The following MYH3 variants were observed in gnomAD, a reference collection of about 807,000 sequenced individuals.
MYH3 encodes the protein myosin-3.
In MYH3, 130 loss-of-function variants were observed where a neutral mutation model predicts 238.0. The ratio of observed to expected loss-of-function variants is 0.55; its 90% CI spans 0.47 to 0.63. MYH3 has a LOEUF of 0.63. Ranked by LOEUF, MYH3 falls within the 30% of genes least tolerant of loss-of-function variation. MYH3 has a pLI of 0.00. For synonymous variants in MYH3, 880 were observed against 924.1 expected, an observed-to-expected ratio of 0.95 and a Z score of 0.86; for missense variants, 1,853 against 2,374.9, an observed-to-expected ratio of 0.78 and a Z score of 4.57.
chr17:10,663,828 C>T, the MYH3 span, among the ~76,000 whole-genome samples: 7 of 151,880 alleles, frequency 4.6e-5, no homozygotes, highest in Non-Finnish European at 7.4e-5. Context: ...TTTGGGAGGC[C>T]GAGACAGGTG....
At chr17:10,653,045 G>GT (rs2074394077) in intron 3 of MYH3, among the ~76,000 whole-genome samples, 1 of 152,190 alleles carries the variant, frequency 6.6e-6, no homozygotes, top group Admixed American at 6.5e-5. Flanking sequence ...GGGGCGGCTT[G>GT]TGGTGGTGCT....
chr17:10,642,350 T>C lies in MYH3; in HGVS notation c.1889-40A>G. On this transcript the variant is annotated intron_variant, in intron 16 of 40. Transcript: ENST00000583535. This position sits in a 1 kb window ranked among gnomAD's most constrained non-coding sequence, Gnocchi z 5.4. ...GGAGGGCACGTGCTGTAGGTGAATCTAAAAGGTTTTTTGTTACTGTGGAAC... is the reference window on the plus strand; with the variant it reads ...GGAGGGCACGTGCTGTAGGTGAATCCAAAAGGTTTTTTGTTACTGTGGAAC... The C allele has an allele frequency of 6.2e-7, 1 of 1,613,916 alleles. No homozygotes were observed. Among genetic ancestry groups the C allele is most frequent in the Non-Finnish European group, 8.5e-7 (1 of 1,179,802 alleles).
chr17:10,648,624 C>A lies in MYH3; in HGVS notation c.668G>T (p.Ser223Ile). 1 of 1,613,986 alleles carries A rather than the reference C, an allele frequency of 6.2e-7. No homozygotes were observed. The highest frequency in any genetic ancestry group is 8.5e-7 in the Non-Finnish European group (1 of 1,179,916). Residue 223 changes from serine (S) to isoleucine (I), a missense_variant, in exon 8 of 41, where the codon AGT becomes ATT. Coordinates refer to ENST00000583535, the MANE Select transcript of MYH3 (RefSeq NM_002470.4). Reference sequence around the variant, plus strand: ...AAAGGCCTCCAGCAGGGGATTGGCACTGATGATTTGATCTTCCAGAGTCCC... The same window carrying A: ...AAAGGCCTCCAGCAGGGGATTGGCAATGATGATTTGATCTTCCAGAGTCCC... ...MKGTLEDQII[S>I]ANPLLEAFGN...
chr17:10,659,883 G>GA (rs964151619), upstream of MYH3, among the ~76,000 whole-genome samples: 2 of 152,228 alleles, frequency 1.3e-5, no homozygotes, highest in Non-Finnish European at 2.9e-5. Flanking sequence ...GCAGTGGCTG[G>GA]AAGGGACAGC....
In MYH3 at chr17:10,640,648, T is replaced by C; in HGVS notation, c.2204A>G (p.Gln735Arg). Residue 735 changes from glutamine (Q) to arginine (R), a missense_variant, in exon 20 of 41, where the codon CAA becomes CGA. Transcript: ENST00000583535. ...ACAGGCTTTCTTGCTGTCAATGAAT[T>C]GTCCCTCAGGGATTGCACTGGCATT... ...VLNASAIPEG[Q>R]FIDSKKACEK... The C allele has an allele frequency of 6.2e-7, 1 of 1,614,204 alleles. No homozygotes were observed. The highest frequency in any genetic ancestry group is 8.5e-7 in the Non-Finnish European group (1 of 1,180,010).
chr17:10,628,753 G>A lies in MYH3; in HGVS notation c.5797-74C>T. The A allele has an allele frequency of 2.0e-6, 3 of 1,536,170 alleles. No homozygotes were observed. The African/African-American group carries it at 4.1e-5, about 21-fold the overall frequency. On this transcript the variant is annotated intron_variant, in intron 40 of 40. Transcript: ENST00000583535. ...TTCCCACCCACCACTTCTGCCGGCT[G>A]GCATCAGAGTTGCTTGCCTACTTCA...
chr17:10,675,878 G>C, the MYH3 span: 1 of 152,064 alleles, frequency 6.6e-6, no homozygotes, highest in South Asian at 2.1e-4. Flanking sequence ...TGTCTTCCTT[G>C]AACTGGGTGC....
Position 10,652,684 on chromosome 17 carries a change from C to T in MYH3, c.205-121G>A, listed in dbSNP as rs896452435. On this transcript the variant is annotated intron_variant, in intron 3 of 40. Transcript: ENST00000583535. ...TCGCCCAGGCTGGAGTGCAGTGATG[C>T]GATCTCGGCTCACTGCAAGCTCCAC... 9 of 1,089,444 alleles carry T rather than the reference C, an allele frequency of 8.3e-6. No homozygotes were observed. The African/African-American group carries it at 9.2e-5, about 11-fold the overall frequency. 67.5% of individuals were successfully genotyped at this position (1,089,444 alleles called of 1,614,324 possible). A position where few individuals can be genotyped will look rare whatever the true frequency, so the allele number is the denominator to read the frequency against.
the MYH3 span, among the ~76,000 whole-genome samples, chr17:10,666,025 G>C: frequency 6.6e-6 from 1 of 152,086 alleles, no homozygotes; most frequent in African/African-American, 2.4e-5. Flanking sequence ...TTAATAAGTG[G>C]TGATGAGACA....
rs778068837 is a variant in MYH3, at chr17:10,631,966, C to T, written c.5007G>A (p.Lys1669=). Residue 1669 remains lysine (K), a synonymous_variant, in exon 35 of 41, where the codon AAG becomes AAA. Transcript: ENST00000583535. Reference sequence around the variant, plus strand: ...TGCGCTCCACAATCGCCAGCTGCTCCTTCAGGTCCTCCTGGCCCCGGAGGG... The same window carrying T: ...TGCGCTCCACAATCGCCAGCTGCTCTTTCAGGTCCTCCTGGCCCCGGAGGG... The part of the protein sequence containing the change: ...DDALRGQEDL[K]EQLAIVERRA... 21 of 1,613,898 alleles carry T rather than the reference C, an allele frequency of 1.3e-5. No individual in the cohort carries two copies. In the Middle Eastern group the frequency reaches 6.8e-4, roughly 52 times the overall value.
chr17:10,634,842 T>C lies in MYH3; in HGVS notation c.4354A>G (p.Lys1452Glu), dbSNP rs1326655608. 4.3e-6 allele frequency: 7 copies of C among 1,613,970 alleles called. No homozygotes were observed. The highest frequency in any genetic ancestry group is 2.7e-5 in the African/African-American group (2 of 74,900). ...ALDKKQRNFD[K>E]VLAEWKTKCE... is the part of the protein sequence containing the mutation. ...CCAGCACACAGCGGACCCCACACCT[T>C]GTCAAAGTTCCTCTGCTTCTTGTCC... Residue 1452 changes from lysine (K) to glutamate (E), a missense_variant and splice_region_variant, in exon 31 of 41, where the codon AAG becomes GAG. Physicochemically the swap from Lys to Glu is moderately conservative, Grantham distance 56. Around this residue, in one of 3 missense-constraint regions of MYH3, gnomAD observed 1,044 missense variants for 1,192.6 expected, o/e 0.88. Coordinates refer to ENST00000583535, the MANE Select transcript of MYH3 (RefSeq NM_002470.4).
At chr17:10,650,455 G>C (rs954517927) in intron 5 of MYH3, 54 bp from the exon 6 acceptor site, 1 of 1,515,234 alleles carries the variant, frequency 6.6e-7, no homozygotes, top group Non-Finnish European at 9.2e-7. Flanking sequence ...AGAGCTTCCC[G>C]ATTCTACCCA....
At chr17:10,664,062 T>TAAAA in the MYH3 span, among the ~76,000 whole-genome samples, 1 of 63,348 alleles carries the variant, frequency 1.6e-5, no homozygotes, top group East Asian at 4.3e-4. Context: ...GACTCCGTCT[T>TAAAA]AAAAAAAAAA....
the MYH3 span, chr17:10,674,393 T>C: frequency 4.0e-6 from 1 of 252,432 alleles, no homozygotes; most frequent in Non-Finnish European, 7.9e-6. Flanking sequence ...ACCACTGCTC[T>C]CCAGCCTAGG....
At chr17:10,640,509 G>C in intron 20 of MYH3, 40 bp from the exon 21 acceptor site, 1 of 1,614,254 alleles carries the variant, frequency 6.2e-7, no homozygotes, top group Non-Finnish European at 8.5e-7. Context: ...GTTTCCTAGA[G>C]AAGCTGTGTC....
rs534788625 is a variant in MYH3, at chr17:10,642,148, A to T, written c.1959+92T>A. On this transcript the variant is annotated intron_variant, in intron 17 of 40. Transcript: ENST00000583535. The surrounding 1 kb of genome is among the most constrained non-coding windows in gnomAD (Gnocchi z 5.4). ...GTAATCAGATTAAGACAACACTACT[A>T]CTCTCAAATAAATCAAGCTTAGAAT... The T allele has an allele frequency of 5.2e-6, 6 of 1,161,838 alleles. No homozygotes were observed. The East Asian group carries it at 1.5e-4, about 29-fold the overall frequency. 72.0% of individuals were successfully genotyped at this position (1,161,838 alleles called of 1,614,324 possible). A position where few individuals can be genotyped will look rare whatever the true frequency, so the allele number is the denominator to read the frequency against.
intron 26 of MYH3, 144 bp from the exon 27 acceptor site, chr17:10,638,576 G>T: frequency 8.8e-7 from 1 of 1,140,480 alleles, no homozygotes; most frequent in Non-Finnish European, 1.2e-6. Context: ...CCTTTCACAG[G>T]AATTTTTTCT....
At chr17:10,660,655 C>T (rs1487727192), upstream of MYH3, among the ~76,000 whole-genome samples, 5 of 141,842 alleles carry the variant, frequency 3.5e-5, no homozygotes, top group East Asian at 4.4e-4. Flanking sequence ...CCAGGCTGGG[C>T]GACAGAGTGA....
chr17:10,670,498 G>A, the MYH3 span, among the ~76,000 whole-genome samples: 7 of 152,084 alleles, frequency 4.6e-5, no homozygotes, highest in Admixed American at 6.6e-5. This position sits in a 1 kb window ranked among gnomAD's most constrained non-coding sequence, Gnocchi z 7.0. Context: ...GTTTGAGATG[G>A]GGGTCTCACT....
Sources: allele counts gnomAD v4.1 joint callset (sites outside exome capture counted in the v4.1 genomes callset), GRCh38; gene constraint gnomAD v4.1.1; regional missense constraint gnomAD v4.1.1; non-coding constraint Gnocchi (gnomAD v3.1); transcripts MANE v1.5; gene names NCBI Gene and HGNC (gene_info 2026-07-23, HGNC 2026-07-21).